The following ZBTB24 variants were observed in gnomAD, a reference collection of about 807,000 sequenced individuals.
The protein encoded by ZBTB24 is zinc finger and BTB domain containing 24.
A neutral mutation model predicts 53.8 loss-of-function variants in ZBTB24; 32 were observed. That is an observed-to-expected ratio of 0.60 (90% confidence interval 0.45 to 0.80). The LOEUF (loss-of-function observed/expected upper bound fraction) is 0.80. ZBTB24 is among the 30% of genes least tolerant of loss of function. The pLI, the probability that ZBTB24 is intolerant of heterozygous loss-of-function variation, is 0.00. For synonymous variants in ZBTB24, 297 were observed against 306.7 expected, an observed-to-expected ratio of 0.97 and a Z score of 0.33; for missense variants, 722 against 837.1, an observed-to-expected ratio of 0.86 and a Z score of 1.70.
At chr6:109,482,117 A>C (rs1014842592) in intron 1 of ZBTB24, 63 bp from the exon 2 acceptor site, 18 of 1,117,530 alleles carry the variant, frequency 1.6e-5, no homozygotes, top group East Asian at 1.3e-4. Flanking sequence ...ATGCCAGCCC[A>C]CATGAACTTC....
At chr6:109,473,804 C>G (rs1474749749) in intron 5 of ZBTB24, among the ~76,000 whole-genome samples, 2 of 152,094 alleles carry the variant, frequency 1.3e-5, no homozygotes, top group East Asian at 3.9e-4. Context: ...ACATCCAGGC[C>G]AGGCACAGTG....
rs1776427333 is a variant in ZBTB24, at chr6:109,481,952, G to A, written c.75C>T (p.Ala25=). 6.2e-7 allele frequency: 1 copy of A among 1,614,084 alleles called. No individual in the cohort carries two copies. Among genetic ancestry groups the A allele is most frequent in the African/African-American group, 1.3e-5 (1 of 74,926 alleles). The change falls in exon 2 of 7, where the codon GCC becomes GCT. Residue 25 remains alanine, a synonymous_variant. Transcript: ENST00000230122. ...CTTTCTTCCTCTGATCCTCAAAACT[G>A]GCCAGCACAGTGTCACTGTGAGCGT... ...HSDAHSDTVL[A]SFEDQRKKGF... is the part of the protein sequence containing the mutation.
chr6:109,474,925 C>A (rs1582676848), intron 5 of ZBTB24, among the ~76,000 whole-genome samples: 1 of 151,544 alleles, frequency 6.6e-6, no homozygotes, highest in Middle Eastern at 3.4e-3. Flanking sequence ...CACCTGTGGT[C>A]CCAGCTACCC....
intron 2 of ZBTB24, 113 bp downstream of exon 2, chr6:109,480,962 G>A: frequency 6.5e-7 from 1 of 1,535,384 alleles, no homozygotes; most frequent in South Asian, 1.3e-5. Flanking sequence ...CATGTATAAA[G>A]GCTTTATTAC....
At chr6:109,473,986 G>C (rs1220186095) in intron 5 of ZBTB24, among the ~76,000 whole-genome samples, 3 of 151,250 alleles carry the variant, frequency 2.0e-5, no homozygotes, top group Non-Finnish European at 1.5e-5. Flanking sequence ...CTACTCGGGA[G>C]GATGAAGCAG....
chr6:109,476,340 G>A, intron 3 of ZBTB24, 82 bp from the exon 4 acceptor site: 1 of 1,427,222 alleles, frequency 7.0e-7, no homozygotes, highest in East Asian at 2.3e-5. Context: ...ATACTACAGT[G>A]GGTCCAGGTC....
chr6:109,473,543 C>T (rs1252930990), intron 5 of ZBTB24, among the ~76,000 whole-genome samples: 2 of 152,170 alleles, frequency 1.3e-5, no homozygotes, highest in Admixed American at 6.5e-5. Context: ...TCCGGCATCC[C>T]GCCCCCTTAC....
intron 5 of ZBTB24, among the ~76,000 whole-genome samples, chr6:109,470,478 A>G (rs1776142956): frequency 6.6e-6 from 1 of 152,176 alleles, no homozygotes; most frequent in South Asian, 2.1e-4. Context: ...GTCACTGCTT[A>G]TTGGCATCAC....
intron 1 of ZBTB24, among the ~76,000 whole-genome samples, 169 bp downstream of exon 1, chr6:109,482,929 C>T (rs1776463758): frequency 6.6e-6 from 1 of 152,154 alleles, no homozygotes; most frequent in Admixed American, 6.5e-5. Flanking sequence ...GGCGCGGAGC[C>T]CCCCGCAGCC....
intron 2 of ZBTB24, among the ~76,000 whole-genome samples, chr6:109,480,127 G>A (rs900039619): frequency 3.3e-5 from 5 of 152,102 alleles, no homozygotes; most frequent in Admixed American, 6.6e-5. Flanking sequence ...GGTAGTTTTA[G>A]AAGCTCCCTA....
intron 2 of ZBTB24, among the ~76,000 whole-genome samples, chr6:109,479,522 G>A (rs534031014): frequency 2.0e-5 from 3 of 152,270 alleles, no homozygotes; most frequent in East Asian, 1.9e-4. Flanking sequence ...TGTGAGTCGG[G>A]GACTGTCTGT....
At chr6:109,476,553 C>T (rs1776281545) in intron 3 of ZBTB24, among the ~76,000 whole-genome samples, 1 of 152,236 alleles carries the variant, frequency 6.6e-6, no homozygotes, top group East Asian at 1.9e-4. Flanking sequence ...CATGCTTGCA[C>T]ACTAAACTCC....
rs1324253686 is a variant in ZBTB24 at position 109,481,629 on chromosome 6, C to G, written c.398G>C (p.Ser133Thr). Residue 133 changes from serine to threonine, a missense_variant, in exon 2 of 7, where the codon AGC becomes ACC. Coordinates refer to ENST00000230122, the MANE Select transcript of ZBTB24 (RefSeq NM_014797.3). ...KAYTDFQNNHSSPKPTTLNTA... is the reference protein window; with the variant it reads ...KAYTDFQNNHTSPKPTTLNTA... ...GTTCAAAGTTGTTGGCTTTGGGGAGCTATGATTATTTTGGAAGTCTGTGTA... is the reference window on the plus strand; with the variant it reads ...GTTCAAAGTTGTTGGCTTTGGGGAGGTATGATTATTTTGGAAGTCTGTGTA... The G allele has an allele frequency of 3.7e-6, 6 of 1,614,166 alleles. No homozygotes were observed. Among genetic ancestry groups the G allele is most frequent in the East Asian group, 2.2e-5 (1 of 44,890 alleles).
intron 5 of ZBTB24, among the ~76,000 whole-genome samples, chr6:109,470,783 T>A (rs945049163): frequency 2.0e-5 from 3 of 152,258 alleles, no homozygotes; most frequent in Non-Finnish European, 4.4e-5. Context: ...TATTCTCATC[T>A]CTTGAGACAA....
chr6:109,477,271 G>T (rs1283101894), intron 2 of ZBTB24, among the ~76,000 whole-genome samples: 1 of 152,194 alleles, frequency 6.6e-6, no homozygotes, highest in Non-Finnish European at 1.5e-5. Flanking sequence ...GAGTAGCTGG[G>T]ATCACAGGCA....
At chr6:109,482,134 A>G (rs1776433527) in intron 1 of ZBTB24, 80 bp from the exon 2 acceptor site, 4 of 979,378 alleles carry the variant, frequency 4.1e-6, no homozygotes, top group Admixed American at 4.1e-5. Flanking sequence ...CTTCCTATTC[A>G]CTTCACATCA....
chr6:109,480,892 C>T, intron 2 of ZBTB24, 183 bp downstream of exon 2: 2 of 1,374,370 alleles, frequency 1.5e-6, no homozygotes, highest in East Asian at 5.0e-5. Context: ...TTTAATCATA[C>T]AATGTATAAT....
At position 109,462,922 on chromosome 6, in the gene ZBTB24, C is replaced by G. The variant is rs1775925055; in HGVS notation, c.*2929G>C. The G allele has an allele frequency of 6.6e-6, 1 of 152,230 alleles. No homozygotes were observed. The highest frequency in any genetic ancestry group is 1.5e-5 in the Non-Finnish European group (1 of 68,030). The allele number at this position is 152,230 out of a possible 1,614,324, so 9.4% of individuals were successfully genotyped here. On this transcript the variant is annotated 3_prime_UTR_variant, in exon 7 of 7. Transcript: ENST00000230122. ...GAATTGTGAAACACTGCACTAGCAA[C>G]ATCATTTCTCAAGGACACATGAGAA...
intron 1 of ZBTB24, among the ~76,000 whole-genome samples, chr6:109,482,778 A>G (rs1171718413): frequency 6.6e-6 from 1 of 152,192 alleles, no homozygotes. Flanking sequence ...AGCTGCCTCC[A>G]TCTCCCAGAT....
Sources: gnomAD v4.1 joint callset for allele counts (sites outside exome capture counted in the v4.1 genomes callset) on GRCh38, gnomAD v4.1.1 for gene constraint, MANE v1.5 for transcripts, NCBI Gene and HGNC (gene_info 2026-07-23, HGNC 2026-07-21) for gene names.